KHDC3L: variants seen among roughly 807,000 people sequenced by gnomAD.
KHDC3L encodes the protein KH domain-containing protein 3.
In KHDC3L, 6 loss-of-function variants were observed where a neutral mutation model predicts 11.4. The ratio of observed to expected loss-of-function variants is 0.52; its 90% CI spans 0.29 to 1.03. The LOEUF (loss-of-function observed/expected upper bound fraction) is 1.03. Ranked by LOEUF, KHDC3L falls within the 50% of genes least tolerant of loss-of-function variation. The pLI, the probability that KHDC3L is intolerant of heterozygous loss-of-function variation, is 0.09. For synonymous variants in KHDC3L, 127 were observed against 120.9 expected (o/e 1.05, Z -0.33); for missense variants, 293 against 290.4 (o/e 1.01, Z -0.07).
chr6:73,363,529 G>A (rs771886924), intron 2 of KHDC3L, 27 bp from the exon 3 acceptor site: 46 of 1,599,096 alleles, frequency 2.9e-5, no homozygotes, highest in Non-Finnish European at 3.4e-5. Context: ...ACACAGCTGT[G>A]GCCTCTGCAC....
At position 73,363,557 on chromosome 6, in the gene KHDC3L, C is replaced by T. The variant is rs1489820494; in HGVS notation, c.351C>T (p.Gly117=). Residue 117 remains glycine (G), a splice_region_variant and synonymous_variant, in exon 3 of 3, where the codon GGC becomes GGT. Transcript: ENST00000370367. ...ADYHRQLQAK[G]SGKALAQDVA... ...CTCTGCACACTGCTCTTCTTCCAGG[C>T]TCAGGAAAGGCCCTCGCCCAGGATG... 3 of 1,607,464 alleles carry T rather than the reference C, an allele frequency of 1.9e-6. No homozygotes were observed. The highest frequency in any genetic ancestry group is 2.7e-5 in the African/African-American group (2 of 74,884).
chr6:73,364,026 A>C lies in KHDC3L; in HGVS notation c.*166A>C. 1.4e-6 allele frequency: 1 copy of C among 739,818 alleles called. No homozygotes were observed. The highest frequency in any genetic ancestry group is 2.3e-6 in the Non-Finnish European group (1 of 440,298). 45.8% of individuals were successfully genotyped at this position (739,818 alleles called of 1,614,324 possible). A position where few individuals can be genotyped will look rare whatever the true frequency, so the allele number is the denominator to read the frequency against. ...GTTCTAATAAAGAATTGCAAAGTGG[A>C]AGCCCGCCCCCCGCCTCCCCCCCGC... On this transcript the variant is annotated 3_prime_UTR_variant, in exon 3 of 3. Transcript: ENST00000370367.
At position 73,363,991 on chromosome 6, in the gene KHDC3L, A is replaced by G. The variant is rs1768918613; in HGVS notation, c.*131A>G. ...CCCTTTCTGTTGCATGGTTGCAAAC[A>G]CAAACTTGAGTTCTAATAAAGAATT... is the stretch of plus-strand genomic sequence containing the variant. On this transcript the variant is annotated 3_prime_UTR_variant, in exon 3 of 3. Coordinates refer to ENST00000370367, the MANE Select transcript of KHDC3L (RefSeq NM_001017361.3). 3 of 982,620 alleles carry G rather than the reference A, an allele frequency of 3.1e-6. No individual in the cohort carries two copies. The highest frequency in any genetic ancestry group is 1.6e-5 in the African/African-American group (1 of 62,208). The allele number at this position is 982,620 out of a possible 1,614,324, so 60.9% of individuals were successfully genotyped here. A position where few individuals can be genotyped will look rare whatever the true frequency, so the allele number is the denominator to read the frequency against.
At position 73,363,226 on chromosome 6, in the gene KHDC3L, A is replaced by G. The variant is rs1424090503; in HGVS notation, c.301A>G (p.Lys101Glu). Residue 101 changes from lysine (K) to glutamate (E), a missense_variant, in exon 2 of 3, where the codon AAG (lysine) becomes GAG (glutamate). Lys to Glu is a moderately conservative substitution (Grantham distance 56). Coordinates refer to ENST00000370367, the MANE Select transcript of KHDC3L (RefSeq NM_001017361.3). ...GCCTTCTTACCAGGAGGACACAATC[A>G]AGATGATCATGAACCTGGCTGACTA... ...GRPSYQEDTI[K>E]MIMNLADYHR... 1 of 1,614,202 alleles carries G rather than the reference A, an allele frequency of 6.2e-7. No individual in the cohort carries two copies. The highest frequency in any genetic ancestry group is 1.3e-5 in the African/African-American group (1 of 75,040).
At chr6:73,362,997 A>C in intron 1 of KHDC3L, 98 bp from the exon 2 acceptor site, 1 of 1,602,574 alleles carries the variant, frequency 6.2e-7, no homozygotes. Flanking sequence ...GATCCTCACC[A>C]GTAGCCAATG....
chr6:73,363,154 A>T lies in KHDC3L; in HGVS notation c.229A>T (p.Asn77Tyr). 1.2e-6 allele frequency: 2 copies of T among 1,614,152 alleles called. No homozygotes were observed. The highest frequency in any genetic ancestry group is 1.7e-6 in the Non-Finnish European group (2 of 1,180,024). Residue 77 changes from asparagine to tyrosine, a missense_variant, in exon 2 of 3, where the codon AAT (asparagine) becomes TAT (tyrosine). Asn to Tyr is a moderately radical substitution (Grantham distance 143, BLOSUM62 -2). Coordinates refer to ENST00000370367, the MANE Select transcript of KHDC3L (RefSeq NM_001017361.3). The part of the protein sequence containing the change: ...QGMSQILIHV[N>Y]RLDPNGEAEI... ...TATGTCCCAAATCTTGATTCACGTG[A>T]ATCGATTGGACCCTAACGGCGAGGC...
At position 73,363,682 on chromosome 6, in the gene KHDC3L, C is replaced by G. The variant is rs771348060; in HGVS notation, c.476C>G (p.Ser159Trp). The change falls in exon 3 of 3, where the codon TCG becomes TGG. Residue 159 changes from serine to tryptophan, a missense_variant. Ser to Trp is a radical substitution (Grantham distance 177). Coordinates refer to ENST00000370367, the MANE Select transcript of KHDC3L (RefSeq NM_001017361.3). ...GTCCGGGAGGCCGGGACCCAGCGTT[C>G]GGTGGAAGTCCAGGAGGTCGGGACA... ...VEVREAGTQR[S>W]VEVQEVGTQG... 4.3e-5 allele frequency: 69 copies of G among 1,612,804 alleles called. No homozygotes were observed. The highest frequency in any genetic ancestry group is 5.8e-5 in the Non-Finnish European group (69 of 1,179,874).
At position 73,363,129 on chromosome 6, in the gene KHDC3L, T is replaced by G. The variant is rs2150775734; in HGVS notation, c.204T>G (p.Gly68=). The change falls in exon 2 of 3, where the codon GGT becomes GGG. Residue 68 remains glycine (G), a synonymous_variant. Coordinates refer to ENST00000370367, the MANE Select transcript of KHDC3L (RefSeq NM_001017361.3). ...RGGERIPHVQ[G]MSQILIHVNR... is the part of the protein sequence containing the mutation. ...GAGAACGCATCCCGCACGTCCAGGGTATGTCCCAAATCTTGATTCACGTGA... is the reference window on the plus strand; with the variant it reads ...GAGAACGCATCCCGCACGTCCAGGGGATGTCCCAAATCTTGATTCACGTGA... The G allele has an allele frequency of 6.2e-7, 1 of 1,614,056 alleles. No homozygotes were observed. Among genetic ancestry groups the G allele is most frequent in the African/African-American group, 1.3e-5 (1 of 75,000 alleles).
chr6:73,363,404 G>A (rs1490160040), intron 2 of KHDC3L, 130 bp downstream of exon 2: 25 of 1,399,038 alleles, frequency 1.8e-5, no homozygotes, highest in Admixed American at 1.4e-4. Context: ...GGGGGAGGGG[G>A]CGGTTCTCGC....
chr6:73,363,682 C>T lies in KHDC3L; in HGVS notation c.476C>T (p.Ser159Leu). ...VEVREAGTQRSVEVQEVGTQG... is the reference protein window; with the variant it reads ...VEVREAGTQRLVEVQEVGTQG... ...GTCCGGGAGGCCGGGACCCAGCGTTCGGTGGAAGTCCAGGAGGTCGGGACA... is the reference window on the plus strand; with the variant it reads ...GTCCGGGAGGCCGGGACCCAGCGTTTGGTGGAAGTCCAGGAGGTCGGGACA... The change falls in exon 3 of 3, where the codon TCG becomes TTG. Residue 159 changes from serine to leucine, a missense_variant. Transcript: ENST00000370367. 1 of 1,612,920 alleles carries T rather than the reference C, an allele frequency of 6.2e-7. No homozygotes were observed. Among genetic ancestry groups the T allele is most frequent in the Non-Finnish European group, 8.5e-7 (1 of 1,179,866 alleles).
At position 73,363,245 on chromosome 6, in the gene KHDC3L, C is replaced by T; in HGVS notation, c.320C>T (p.Ala107Val). The change falls in exon 2 of 3, where the codon GCT becomes GTT. Residue 107 changes from alanine (A) to valine (V), a missense_variant. By Grantham distance (64) the Ala-to-Val change is moderately conservative. Transcript: ENST00000370367. ...EDTIKMIMNL[A>V]DYHRQLQAKG... ...ACAATCAAGATGATCATGAACCTGGCTGACTATCACCGCCAGCTCCAGGCG... is the reference window on the plus strand; with the variant it reads ...ACAATCAAGATGATCATGAACCTGGTTGACTATCACCGCCAGCTCCAGGCG... 1 of 1,614,074 alleles carries T rather than the reference C, an allele frequency of 6.2e-7. No homozygotes were observed.
At position 73,363,617 on chromosome 6, in the gene KHDC3L, A is replaced by T. The variant is rs549971311; in HGVS notation, c.411A>T (p.Ser137=). ...AGAAGGCCGAGACCCAGCGGTCTTC[A>T]ATAGAAGTCCGGGAGGCCGGGACGC... ...ATQKAETQRS[S]IEVREAGTQR... Residue 137 remains serine, a synonymous_variant, in exon 3 of 3, where the codon TCA becomes TCT. Transcript: ENST00000370367. The T allele has an allele frequency of 7.4e-6, 12 of 1,613,058 alleles. No homozygotes were observed. The highest frequency in any genetic ancestry group is 1.0e-5 in the Non-Finnish European group (12 of 1,179,892).
At chr6:73,363,491 A>G (rs1398978412) in intron 2 of KHDC3L, 65 bp from the exon 3 acceptor site, 1 of 1,558,450 alleles carries the variant, frequency 6.4e-7, no homozygotes, top group African/African-American at 1.4e-5. Context: ...CGCTTGGGTG[A>G]CTGTCCTTTT....
Position 73,363,144 on chromosome 6 carries a change from GATTCACGTGAATCGATTGGAC to G in KHDC3L, c.220_240del (p.Ile74_Asp80del). On this transcript the variant is annotated inframe_deletion, in exon 2 of 3. Coordinates refer to ENST00000370367, the MANE Select transcript of KHDC3L (RefSeq NM_001017361.3). ...ACGTCCAGGGTATGTCCCAAATCTT[GATTCACGTGAATCGATTGGAC>G]CCTAACGGCGAGGCTGAGATCTTGG... The G allele has an allele frequency of 6.2e-7, 1 of 1,614,174 alleles. No homozygotes were observed. Among genetic ancestry groups the G allele is most frequent in the Non-Finnish European group, 8.5e-7 (1 of 1,180,044 alleles).
rs1422197973 is a variant in KHDC3L, at chr6:73,363,818, G to A, written c.612G>A (p.Gln204=). 1.2e-5 allele frequency: 20 copies of A among 1,611,280 alleles called. No individual in the cohort carries two copies. Among genetic ancestry groups the A allele is most frequent in the Admixed American group, 1.7e-5 (1 of 59,896 alleles). The change falls in exon 3 of 3, where the codon CAG becomes CAA. Residue 204 remains glutamine, a synonymous_variant. Coordinates refer to ENST00000370367, the MANE Select transcript of KHDC3L (RefSeq NM_001017361.3). ...AAGCTGCCAGCAAGGCAGTGACCCA[G>A]CGGTTTCGCGAGGATGCCCGGGACC... The part of the protein sequence containing the change: ...SPEAASKAVT[Q]RFREDARDPV...
At chr6:73,363,397 G>A (rs962515507) in intron 2 of KHDC3L, 123 bp downstream of exon 2, 1 of 1,415,656 alleles carries the variant, frequency 7.1e-7, no homozygotes, top group Non-Finnish European at 9.8e-7. Context: ...GGTGGGTGGG[G>A]GAGGGGGCGG....
intron 2 of KHDC3L, 104 bp downstream of exon 2, chr6:73,363,378 C>A: frequency 1.3e-6 from 2 of 1,482,254 alleles, no homozygotes; most frequent in South Asian, 2.3e-5. Flanking sequence ...TCCCAGTCGG[C>A]CTGCGGTTGG....
rs1195473945 is a variant in KHDC3L at position 73,363,291 on chromosome 6, A to AGG, written c.349+19_349+20dup. On this transcript the variant is annotated intron_variant, in intron 2 of 2. Coordinates refer to ENST00000370367, the MANE Select transcript of KHDC3L (RefSeq NM_001017361.3). ...AGGCGAAAGGTACGGGGCTGGGAAT[A>AGG]GGGCTACCTGGAGCAAACCCTGGCT... The AGG allele has an allele frequency of 5.6e-6, 9 of 1,613,486 alleles. No individual in the cohort carries two copies. Among genetic ancestry groups the AGG allele is most frequent in the East Asian group, 2.2e-5 (1 of 44,866 alleles).
At chr6:73,363,433 C>A in intron 2 of KHDC3L, 123 bp from the exon 3 acceptor site, 1 of 1,432,374 alleles carries the variant, frequency 7.0e-7, no homozygotes, top group South Asian at 1.2e-5. Context: ...ATCCAGAAGG[C>A]CAAATTGAAC....
Sources: allele counts gnomAD v4.1 joint callset, GRCh38; gene constraint gnomAD v4.1.1; transcripts MANE v1.5; gene names NCBI Gene and HGNC (gene_info 2026-07-23, HGNC 2026-07-21).